Variants in PLCL2 observed in about 807,000 individuals in gnomAD.
The protein encoded by PLCL2 is inactive phospholipase C-like protein 2.
A neutral mutation model predicts 79.6 loss-of-function variants in PLCL2; 4 were observed. The observed-to-expected ratio is 0.05, with a 90% CI of 0.02 to 0.11. The LOEUF is 0.11. PLCL2 is among the 10% of genes least tolerant of loss of function. The pLI, the probability that PLCL2 is intolerant of heterozygous loss-of-function variation, is 1.00. For missense variants in PLCL2, 895 were observed against 1,291.0 expected (o/e 0.69, Z 4.70); for synonymous variants, 484 against 457.7 (o/e 1.06, Z -0.73).
intron 1 of PLCL2, among the ~76,000 whole-genome samples, chr3:16,988,983 T>A (rs2064078580): frequency 6.6e-6 from 1 of 151,774 alleles, no homozygotes; most frequent in African/African-American, 2.4e-5. Context: ...ATTATAGAGA[T>A]CTATAATAGA....
intron 1 of PLCL2, among the ~76,000 whole-genome samples, chr3:16,908,994 A>G (rs1223677787): frequency 1.3e-5 from 2 of 152,084 alleles, no homozygotes; most frequent in Non-Finnish European, 2.9e-5. Context: ...CCTTCTTTCT[A>G]TTTTTTCCCG....
chr3:17,040,187 G>T (rs2064705577), intron 3 of PLCL2, among the ~76,000 whole-genome samples: 2 of 152,028 alleles, frequency 1.3e-5, no homozygotes, highest in Admixed American at 6.6e-5. Flanking sequence ...TTAGCTCAGG[G>T]TCTCACACAT....
chr3:17,080,978 G>A (rs773757988), intron 5 of PLCL2, among the ~76,000 whole-genome samples: 2 of 152,172 alleles, frequency 1.3e-5, no homozygotes, highest in Non-Finnish European at 2.9e-5. Context: ...TATCCAACAG[G>A]AAAATAAAAC....
At chr3:17,060,246 C>T (rs1271590372) in intron 4 of PLCL2, among the ~76,000 whole-genome samples, 1 of 152,134 alleles carries the variant, frequency 6.6e-6, no homozygotes, top group African/African-American at 2.4e-5. Context: ...AGAAAACCTC[C>T]CTCATATAAT....
intron 3 of PLCL2, among the ~76,000 whole-genome samples, chr3:17,026,342 A>G (rs1365039526): frequency 1.3e-5 from 2 of 152,190 alleles, no homozygotes; most frequent in Admixed American, 6.5e-5. Context: ...AGTTTAAAAC[A>G]TTTGTTTCCC....
At chr3:16,899,045 G>A (rs1002185609) in intron 1 of PLCL2, among the ~76,000 whole-genome samples, 4 of 152,256 alleles carry the variant, frequency 2.6e-5, no homozygotes, top group Non-Finnish European at 2.9e-5. Flanking sequence ...GCTTCAAAAG[G>A]TGGTAGAGAG....
intron 1 of PLCL2, among the ~76,000 whole-genome samples, chr3:16,890,011 G>GA (rs1696310398): frequency 1.3e-5 from 2 of 152,270 alleles, no homozygotes; most frequent in Non-Finnish European, 2.9e-5. Context: ...ATTAAGGTCA[G>GA]AAAAATCTAA....
Position 16,993,184 on chromosome 3 carries a change from G to T in PLCL2, c.328-16490G>T, listed in dbSNP as rs183202681. 3.9e-5 allele frequency among the ~76,000 whole-genome samples: 6 copies of T among 152,304 alleles called. No individual in the cohort carries two copies. In the East Asian group the frequency reaches 1.2e-3, roughly 29 times the overall value. On this transcript the variant is annotated intron_variant, in intron 1 of 5. Coordinates refer to ENST00000615277, the MANE Select transcript of PLCL2 (RefSeq NM_001144382.2). ...ACATTATTAATAAGGTCACTTTCAG[G>T]TAGGATGATCATATGTTTCAGTTTG...
rs1164108936 is a variant in PLCL2 at position 16,885,086 on chromosome 3, C to T, written c.47C>T (p.Thr16Ile). 2.4e-6 allele frequency: 1 copy of T among 408,978 alleles called. No homozygotes were observed. The highest frequency in any genetic ancestry group is 4.3e-6 in the Non-Finnish European group (1 of 231,434). 25.3% of individuals were successfully genotyped at this position (408,978 alleles called of 1,614,324 possible). ...RGGAAGGALP[T>I]SPGPALGAKG... is the part of the protein sequence containing the mutation. ...GGCGCCGCCGGCGGGGCCCTGCCCA[C>T]CTCCCCGGGCCCGGCCCTCGGCGCC... is the stretch of plus-strand genomic sequence containing the variant. The change falls in exon 1 of 6, where the codon ACC (threonine) becomes ATC (isoleucine). Residue 16 changes from threonine (T) to isoleucine (I), a missense_variant. Around this residue, in one of 6 missense-constraint regions of PLCL2, gnomAD observed 110 missense variants for 42.9 expected, o/e 2.56. Coordinates refer to ENST00000615277, the MANE Select transcript of PLCL2 (RefSeq NM_001144382.2).
At chr3:16,985,768 A>G (rs1454123715) in intron 1 of PLCL2, among the ~76,000 whole-genome samples, 4 of 152,110 alleles carry the variant, frequency 2.6e-5, no homozygotes, top group Non-Finnish European at 5.9e-5. Flanking sequence ...TACTATATTC[A>G]CCTTTAGTAA....
intron 4 of PLCL2, among the ~76,000 whole-genome samples, chr3:17,047,442 T>G (rs2064792768): frequency 1.3e-5 from 2 of 152,094 alleles, no homozygotes; most frequent in Admixed American, 1.3e-4. Flanking sequence ...TCAAACTAAA[T>G]GAAAGATGAC....
At chr3:16,889,872 A>AT (rs11458984) in intron 1 of PLCL2, among the ~76,000 whole-genome samples, 2,616 of 151,506 alleles carry the variant, frequency 0.017, 97 homozygotes, top group East Asian at 0.17. Context: ...GACTTTAGAC[A>AT]TTTTTTTTTG....
At chr3:16,972,305 T>G (rs2063879539) in intron 1 of PLCL2, among the ~76,000 whole-genome samples, 1 of 152,202 alleles carries the variant, frequency 6.6e-6, no homozygotes, top group Non-Finnish European at 1.5e-5. Flanking sequence ...CAAAATCTCC[T>G]TAAGCTGATA....
At position 16,993,168 on chromosome 3, in the gene PLCL2, A is replaced by G. The variant is rs114115153; in HGVS notation, c.328-16506A>G. Among the ~76,000 whole-genome samples the G allele has an allele frequency of 4.9e-3, 750 of 152,310 alleles. 7 individuals are homozygous for G. Among genetic ancestry groups the G allele is most frequent in the Non-Finnish European group, 8.0e-3 (545 of 68,012 alleles). On this transcript the variant is annotated intron_variant, in intron 1 of 5. Transcript: ENST00000615277. The stretch of plus-strand genomic sequence containing the variant: ...GGACTTAGAACTTAACACATTATTA[A>G]TAAGGTCACTTTCAGGTAGGATGAT...
At chr3:17,087,200 G>C (rs1181260690) in intron 5 of PLCL2, among the ~76,000 whole-genome samples, 2 of 152,168 alleles carry the variant, frequency 1.3e-5, no homozygotes, top group African/African-American at 4.8e-5. Context: ...ACAAAAATCT[G>C]CATACAGATG....
chr3:16,911,426 C>T (rs1307389610), intron 1 of PLCL2, among the ~76,000 whole-genome samples: 2 of 151,992 alleles, frequency 1.3e-5, no homozygotes, highest in Non-Finnish European at 2.9e-5. Flanking sequence ...CTATTTAAAA[C>T]TAAGGAGCAG....
At chr3:17,042,772 T>A in intron 3 of PLCL2, 102 bp from the exon 4 acceptor site, 1 of 778,118 alleles carries the variant, frequency 1.3e-6, no homozygotes, top group Non-Finnish European at 2.2e-6. Flanking sequence ...AAGCGTTTAA[T>A]ATCATCACAT....
chr3:16,926,781 G>A (rs192626201), intron 1 of PLCL2, among the ~76,000 whole-genome samples: 26 of 151,958 alleles, frequency 1.7e-4, no homozygotes, highest in East Asian at 9.7e-4. Context: ...ACAGGCACCC[G>A]CCACCATGGT....
chr3:17,014,027 G>C (rs553076796), intron 2 of PLCL2, among the ~76,000 whole-genome samples: 1 of 152,202 alleles, frequency 6.6e-6, no homozygotes, highest in Non-Finnish European at 1.5e-5. Context: ...TTCATAGAAG[G>C]CCAGCTCATG....
Sources: allele counts gnomAD v4.1 joint callset (sites outside exome capture counted in the v4.1 genomes callset), GRCh38; gene constraint gnomAD v4.1.1; regional missense constraint gnomAD v4.1.1; transcripts MANE v1.5; gene names NCBI Gene and HGNC (gene_info 2026-07-23, HGNC 2026-07-21).